Variants in DCC observed in about 807,000 individuals in gnomAD.
DCC encodes netrin receptor DCC.
DCC carries 58 observed loss-of-function variants against 172.5 expected under a neutral mutation model. The observed-to-expected ratio is 0.34, with a 90% CI of 0.27 to 0.42. The LOEUF (loss-of-function observed/expected upper bound fraction) is 0.42, where lower values mean the gene tolerates loss of function less well. DCC is among the 10% of genes least tolerant of loss of function. DCC has a pLI of 1.00. For synonymous variants in DCC, 709 were observed against 644.5 expected (o/e 1.10, Z -1.52); for missense variants, 1,740 against 1,791.0 (o/e 0.97, Z 0.51).
At chr18:52,762,016 C>T (rs564230845) in intron 2 of DCC, among the ~76,000 whole-genome samples, 7 of 151,718 alleles carry the variant, frequency 4.6e-5, no homozygotes, top group Non-Finnish European at 7.4e-5. Context: ...GGTTCTTAAC[C>T]AGCGCTTATT....
At chr18:53,183,717 A>G (rs140458356) in intron 9 of DCC, among the ~76,000 whole-genome samples, 3,362 of 152,192 alleles carry the variant, frequency 0.022, 40 homozygotes, top group Middle Eastern at 0.027. Context: ...GTGACTTTAG[A>G]ATATATTATC....
intron 12 of DCC, among the ~76,000 whole-genome samples, chr18:53,266,867 T>A (rs921795263): frequency 6.6e-6 from 1 of 152,056 alleles, no homozygotes; most frequent in Non-Finnish European, 1.5e-5. Flanking sequence ...TTATTCCTTT[T>A]GATTGCTGCA....
intron 7 of DCC, among the ~76,000 whole-genome samples, chr18:53,154,577 G>A (rs2144388823): frequency 6.6e-6 from 1 of 152,302 alleles, no homozygotes; most frequent in South Asian, 2.1e-4. Context: ...GAAGGCAGAG[G>A]AGCTGGGGGA....
chr18:52,417,777 A>AT (rs1555680111), intron 1 of DCC, among the ~76,000 whole-genome samples: 1 of 151,602 alleles, frequency 6.6e-6, no homozygotes, highest in Non-Finnish European at 1.5e-5. Flanking sequence ...ATTCGTCTAA[A>AT]TTTTTTTCAA....
At chr18:53,124,772 C>A (rs992560449) in intron 7 of DCC, among the ~76,000 whole-genome samples, 1 of 151,962 alleles carries the variant, frequency 6.6e-6, no homozygotes, top group Non-Finnish European at 1.5e-5. Flanking sequence ...TTGAGACCAG[C>A]CTGGTCAACA....
At chr18:53,037,246 C>G (rs1052493511) in intron 5 of DCC, among the ~76,000 whole-genome samples, 1 of 152,018 alleles carries the variant, frequency 6.6e-6, no homozygotes, top group Admixed American at 6.6e-5. Flanking sequence ...CAAATGGTGT[C>G]AAGTCCACCT....
intron 1 of DCC, among the ~76,000 whole-genome samples, chr18:52,649,126 C>T (rs2035073996): frequency 6.6e-6 from 1 of 152,168 alleles, no homozygotes; most frequent in African/African-American, 2.4e-5. Context: ...GTAATCCCAG[C>T]ATTTTGGGAG....
intron 18 of DCC, among the ~76,000 whole-genome samples, chr18:53,400,304 A>T (rs1305407711): frequency 1.3e-5 from 2 of 152,100 alleles, no homozygotes; most frequent in Admixed American, 1.3e-4. Flanking sequence ...ATACCCAAGC[A>T]GGTGTCAGAA....
At chr18:53,232,705 T>A (rs1469596451) in intron 12 of DCC, among the ~76,000 whole-genome samples, 1 of 152,138 alleles carries the variant, frequency 6.6e-6, no homozygotes, top group Non-Finnish European at 1.5e-5. Flanking sequence ...GTGGCTCAAT[T>A]ATTTGACACA....
intron 13 of DCC, among the ~76,000 whole-genome samples, chr18:53,315,661 G>C (rs1335023438): frequency 6.6e-6 from 1 of 152,064 alleles, no homozygotes; most frequent in East Asian, 1.9e-4. Context: ...CATTCTAACT[G>C]ACATGAGATG....
chr18:52,567,058 A>G (rs1256802924), intron 1 of DCC, among the ~76,000 whole-genome samples: 1 of 152,178 alleles, frequency 6.6e-6, no homozygotes, highest in Admixed American at 6.6e-5. Flanking sequence ...GTAATACTTA[A>G]GTACCGATTG....
At chr18:52,901,054 G>C (rs1057139929) in intron 2 of DCC, among the ~76,000 whole-genome samples, 3 of 152,262 alleles carry the variant, frequency 2.0e-5, no homozygotes, top group Middle Eastern at 3.4e-3. Flanking sequence ...ACATATAAAC[G>C]AACGTCTTTT....
intron 2 of DCC, among the ~76,000 whole-genome samples, chr18:52,856,536 G>C (rs2145351876): frequency 6.7e-6 from 1 of 149,462 alleles, no homozygotes; most frequent in African/African-American, 2.5e-5. Context: ...TGAGGCTGGA[G>C]GATGGCGTGA....
At chr18:52,431,836 C>T (rs1190463996) in intron 1 of DCC, among the ~76,000 whole-genome samples, 2 of 152,168 alleles carry the variant, frequency 1.3e-5, no homozygotes, top group African/African-American at 4.8e-5. Context: ...CCATTTGATT[C>T]ATCTTGCACT....
chr18:53,535,168 A>C lies in DCC; in HGVS notation c.*4515A>C. The stretch of plus-strand genomic sequence containing the variant: ...TTGTTTGGGGGAAGGGTGGGCGGGT[A>C]TGGGGTGTACTTTTTATAAGTAATA... On this transcript the variant is annotated 3_prime_UTR_variant, in exon 29 of 29. Transcript: ENST00000442544. 1 of 141,466 alleles carries C rather than the reference A, an allele frequency of 7.1e-6. No homozygotes were observed. Among genetic ancestry groups the C allele is most frequent in the East Asian group, 2.5e-4 (1 of 4,048 alleles). 8.8% of individuals were successfully genotyped at this position (141,466 alleles called of 1,614,324 possible).
chr18:52,355,898 C>T (rs1984341177), intron 1 of DCC, among the ~76,000 whole-genome samples: 1 of 152,054 alleles, frequency 6.6e-6, no homozygotes, highest in Non-Finnish European at 1.5e-5. Context: ...GGGGACCTTA[C>T]CCACATAGGA....
chr18:52,813,780 C>T (rs748314972), intron 2 of DCC, among the ~76,000 whole-genome samples: 2 of 152,194 alleles, frequency 1.3e-5, no homozygotes, highest in Non-Finnish European at 2.9e-5. Context: ...AAGGCTGAGT[C>T]AATGAAAACT....
chr18:52,606,908 A>G (rs2034143859), intron 1 of DCC, among the ~76,000 whole-genome samples: 1 of 152,192 alleles, frequency 6.6e-6, no homozygotes, highest in Non-Finnish European at 1.5e-5. Flanking sequence ...GCTATTATTT[A>G]TGACTTCCTT....
chr18:52,810,308 G>T (rs1386646085), intron 2 of DCC, among the ~76,000 whole-genome samples: 1 of 152,122 alleles, frequency 6.6e-6, no homozygotes, highest in African/African-American at 2.4e-5. Context: ...GCTCATAAAT[G>T]GGTGGGGAGT....
Sources: gnomAD v4.1 joint callset for allele counts (sites outside exome capture counted in the v4.1 genomes callset) on GRCh38, gnomAD v4.1.1 for gene constraint, MANE v1.5 for transcripts, NCBI Gene and HGNC (gene_info 2026-07-23, HGNC 2026-07-21) for gene names.